Variants in FAM20C observed in about 807,000 individuals in gnomAD.
FAM20C encodes the protein extracellular serine/threonine protein kinase FAM20C.
FAM20C carries 40 observed loss-of-function variants against 51.5 expected under a neutral mutation model. The observed-to-expected ratio is 0.78, with a 90% CI of 0.60 to 1.01. The LOEUF is 1.01. Among genes scored for constraint, FAM20C ranks in the 50% least tolerant of loss-of-function variants. The pLI, the probability that FAM20C is intolerant of heterozygous loss-of-function variation, is 0.00. For synonymous variants in FAM20C, 406 were observed against 380.6 expected, an observed-to-expected ratio of 1.07 and a Z score of -0.78; for missense variants, 861 against 844.7, an observed-to-expected ratio of 1.02 and a Z score of -0.24.
At position 218,409 on chromosome 7, in the gene FAM20C, C is replaced by T. The variant is rs576557124; in HGVS notation, c.863+9433C>T. ...CTGCGTGCTGCCTCCTCAGTTCACC[C>T]GCACTGACCCTCGGGTGTGGCCCCT... On this transcript the variant is annotated intron_variant, in intron 3 of 9. Coordinates refer to ENST00000313766, the MANE Select transcript of FAM20C (RefSeq NM_020223.4). Among the ~76,000 whole-genome samples the T allele has an allele frequency of 3.3e-5, 5 of 152,362 alleles. No individual in the cohort carries two copies. In the East Asian group the frequency reaches 9.7e-4, roughly 29 times the overall value.
At chr7:207,704 T>A (rs562827716) in intron 2 of FAM20C, among the ~76,000 whole-genome samples, 87 of 152,284 alleles carry the variant, frequency 5.7e-4, no homozygotes, top group Middle Eastern at 3.4e-3. Flanking sequence ...TGAGGCCCCC[T>A]CACACCAGAC....
At chr7:249,984 C>T (rs1788334786) in intron 5 of FAM20C, among the ~76,000 whole-genome samples, 1 of 152,172 alleles carries the variant, frequency 6.6e-6, no homozygotes, top group Non-Finnish European at 1.5e-5. Flanking sequence ...ACCCTCACCC[C>T]AGGAAACCCT....
rs2115035118 is a variant in FAM20C at position 193,483 on chromosome 7, G to C, written c.284G>C (p.Ser95Thr). 6.7e-7 allele frequency: 1 copy of C among 1,501,136 alleles called. No individual in the cohort carries two copies. Among genetic ancestry groups the C allele is most frequent in the African/African-American group, 1.4e-5 (1 of 69,060 alleles). 93.0% of individuals were successfully genotyped at this position (1,501,136 alleles called of 1,614,324 possible). ...ACGCTCCGCATCCTGCAGGACTTCA[G>C]CTCCGACCCCTCCTCCAACCTCTCG... ...KHTLRILQDF[S>T]SDPSSNLSSH... Residue 95 changes from serine to threonine, a missense_variant, in exon 1 of 10, where the codon AGC becomes ACC. Physicochemically the swap from Ser to Thr is moderately conservative, Grantham distance 58 (BLOSUM62 1). This residue lies in a region of FAM20C where 561 missense variants were observed against 499.8 expected (regional missense o/e 1.12). Coordinates refer to ENST00000313766, the MANE Select transcript of FAM20C (RefSeq NM_020223.4).
At chr7:219,184 G>T (rs1005935700) in intron 3 of FAM20C, among the ~76,000 whole-genome samples, 1 of 152,174 alleles carries the variant, frequency 6.6e-6, no homozygotes, top group African/African-American at 2.4e-5. Context: ...CACCTGGGGC[G>T]AGGTTTGAGG....
intron 3 of FAM20C, among the ~76,000 whole-genome samples, chr7:226,910 G>T (rs767991178): frequency 1.3e-5 from 2 of 152,186 alleles, no homozygotes; most frequent in African/African-American, 2.4e-5. Flanking sequence ...CCCTCAGAGA[G>T]TGCGGTTCTG....
At chr7:199,347 G>A (rs778427382) in intron 2 of FAM20C, among the ~76,000 whole-genome samples, 9 of 152,222 alleles carry the variant, frequency 5.9e-5, no homozygotes, top group Non-Finnish European at 1.0e-4. Context: ...AACAGGGGTA[G>A]CCTTCAAAGG....
intron 2 of FAM20C, among the ~76,000 whole-genome samples, chr7:208,611 C>T (rs1248794426): frequency 2.1e-5 from 3 of 145,044 alleles, no homozygotes; most frequent in African/African-American, 7.5e-5. Flanking sequence ...GTGGCTTATA[C>T]GTGTGTGTCC....
chr7:226,769 G>GCTGT (rs1787465283), intron 3 of FAM20C, among the ~76,000 whole-genome samples: 1 of 152,242 alleles, frequency 6.6e-6, no homozygotes, highest in Non-Finnish European at 1.5e-5. Context: ...ACAGAAGGTA[G>GCTGT]CTGTCTTCTC....
At chr7:245,571 C>T (rs145606355) in intron 3 of FAM20C, among the ~76,000 whole-genome samples, 3 of 152,174 alleles carry the variant, frequency 2.0e-5, no homozygotes, top group African/African-American at 7.2e-5. Context: ...TGGCAGGGGC[C>T]GGCCTTGGTG....
chr7:257,175 G>A (rs191892670), intron 8 of FAM20C, 89 bp downstream of exon 8: 44 of 1,249,042 alleles, frequency 3.5e-5, no homozygotes, highest in Middle Eastern at 1.8e-4. Flanking sequence ...GGGACGGGGG[G>A]AGCAGACCCT....
chr7:235,184 C>G (rs1405001849), intron 3 of FAM20C, among the ~76,000 whole-genome samples: 1 of 152,068 alleles, frequency 6.6e-6, no homozygotes, highest in African/African-American at 2.4e-5. Flanking sequence ...ACTGTTTACA[C>G]TGAGCCCAGG....
At chr7:224,400 C>A (rs1787387140) in intron 3 of FAM20C, among the ~76,000 whole-genome samples, 1 of 24,326 alleles carries the variant, frequency 4.1e-5, no homozygotes, top group Non-Finnish European at 8.3e-5. Context: ...TCCCCTGAGC[C>A]TTCTCTCACT....
intron 2 of FAM20C, among the ~76,000 whole-genome samples, chr7:201,042 C>G (rs1166834314): frequency 6.6e-6 from 1 of 152,246 alleles, no homozygotes; most frequent in Non-Finnish European, 1.5e-5. Context: ...GCAGACCTCT[C>G]TGGCTTGGAG....
intron 3 of FAM20C, among the ~76,000 whole-genome samples, chr7:216,647 G>T (rs1448911438): frequency 6.7e-6 from 1 of 149,752 alleles, no homozygotes; most frequent in Non-Finnish European, 1.5e-5. Flanking sequence ...GTGTGAGTGT[G>T]TGTGAGTGTG....
At position 257,002 on chromosome 7, in the gene FAM20C, C is replaced by T. The variant is rs941287934; in HGVS notation, c.1364-3C>T. ...CTGTGACACTTTCTGCCTCTCTCCG[C>T]AGGAAACATGGACCGTCACCACTAC... On this transcript the variant is annotated splice_region_variant and splice_polypyrimidine_tract_variant and intron_variant, in intron 7 of 9. Transcript: ENST00000313766. The T allele has an allele frequency of 1.1e-5, 17 of 1,536,976 alleles. No individual in the cohort carries two copies. The African/African-American group carries it at 2.2e-4, about 20-fold the overall frequency.
intron 2 of FAM20C, chr7:197,112 A>G (rs2115042893): frequency 6.0e-6 from 1 of 167,180 alleles, no homozygotes; most frequent in African/African-American, 2.4e-5. Context: ...GCATTGATCA[A>G]CATGTTTGTC....
At chr7:195,102 G>T (rs114526017) in intron 1 of FAM20C, 2,012 of 160,490 alleles carry the variant, frequency 0.013, 57 homozygotes, top group African/African-American at 0.044. Context: ...GCTGGGGAAG[G>T]TTCCTGACAG....
chr7:211,908 C>G (rs886248630), intron 3 of FAM20C, among the ~76,000 whole-genome samples: 21 of 152,020 alleles, frequency 1.4e-4, no homozygotes, highest in Admixed American at 4.6e-4. Context: ...TTTTGCAAAC[C>G]TCCCAGCTCG....
chr7:204,029 G>T (rs942160377), intron 2 of FAM20C, among the ~76,000 whole-genome samples: 16 of 152,144 alleles, frequency 1.1e-4, no homozygotes, highest in African/African-American at 3.9e-4. Flanking sequence ...CACAGTTAAG[G>T]AAAAAACAGA....
Sources: gnomAD v4.1 joint callset for allele counts (sites outside exome capture counted in the v4.1 genomes callset) on GRCh38, gnomAD v4.1.1 for gene constraint, gnomAD v4.1.1 regional missense constraint, MANE v1.5 for transcripts, NCBI Gene and HGNC (gene_info 2026-07-23, HGNC 2026-07-21) for gene names.